RARB: variants seen among roughly 807,000 people sequenced by gnomAD.
RARB encodes retinoic acid receptor beta.
A neutral mutation model predicts 51.9 loss-of-function variants in RARB; 17 were observed. That is an observed-to-expected ratio of 0.33 (90% CI 0.22 to 0.49). The LOEUF is 0.49. Among genes scored for constraint, RARB ranks in the 20% least tolerant of loss-of-function variants. The pLI is 0.99. For synonymous variants in RARB, 215 were observed against 195.4 expected (o/e 1.10, Z -0.84); for missense variants, 369 against 550.8 (o/e 0.67, Z 3.30).
intron 5 of RARB, among the ~76,000 whole-genome samples, chr3:25,411,230 TGAA>T (rs968666031): frequency 1.3e-5 from 2 of 152,214 alleles, no homozygotes; most frequent in African/African-American, 2.4e-5. Flanking sequence ...GAAGATAAGA[TGAA>T]GAAGTCACAC....
At chr3:25,335,183 T>C (rs1473446006) in intron 5 of RARB, among the ~76,000 whole-genome samples, 1 of 152,116 alleles carries the variant, frequency 6.6e-6, no homozygotes, top group Non-Finnish European at 1.5e-5. Context: ...GAGGCTTAAG[T>C]GAGTGAATGG....
chr3:25,297,795 T>C (rs1160395682), intron 5 of RARB, among the ~76,000 whole-genome samples: 1 of 152,206 alleles, frequency 6.6e-6, no homozygotes, highest in Admixed American at 6.5e-5. Context: ...TTTATCTTTA[T>C]CCAGGAGGTT....
At chr3:25,049,789 T>C (rs757623352) in intron 2 of RARB, among the ~76,000 whole-genome samples, 16 of 152,362 alleles carry the variant, frequency 1.1e-4, no homozygotes, top group South Asian at 2.1e-4. Context: ...CCCTGCAAAT[T>C]TCATCAGCAT....
chr3:24,839,277 G>C (rs975130303), intron 1 of RARB, among the ~76,000 whole-genome samples: 1 of 152,092 alleles, frequency 6.6e-6, no homozygotes, highest in African/African-American at 2.4e-5. Flanking sequence ...CTGCAGTGCT[G>C]TTCTTGAGTG....
chr3:25,254,758 AAAATG>A (rs1702819892), intron 5 of RARB, among the ~76,000 whole-genome samples: 1 of 152,152 alleles, frequency 6.6e-6, no homozygotes, highest in Non-Finnish European at 1.5e-5. Flanking sequence ...GAGATAAAAG[AAAATG>A]AAATAGGATA....
chr3:25,025,566 T>C (rs975822572), intron 2 of RARB, among the ~76,000 whole-genome samples: 1 of 152,170 alleles, frequency 6.6e-6, no homozygotes, highest in African/African-American at 2.4e-5. Flanking sequence ...AGTAGTTATG[T>C]ACACAGATAA....
intron 2 of RARB, among the ~76,000 whole-genome samples, chr3:24,974,137 T>G (rs1489279450): frequency 6.6e-6 from 1 of 152,094 alleles, no homozygotes; most frequent in African/African-American, 2.4e-5. Flanking sequence ...CTATACCCAG[T>G]TTTTTATGGT....
At chr3:25,214,158 T>C (rs1055528871) in intron 5 of RARB, among the ~76,000 whole-genome samples, 2 of 152,144 alleles carry the variant, frequency 1.3e-5, no homozygotes, top group Non-Finnish European at 2.9e-5. Flanking sequence ...ATTTTGAAAG[T>C]TTGAAACTCA....
At chr3:25,007,605 C>CAAA (rs1279154112) in intron 2 of RARB, among the ~76,000 whole-genome samples, 4 of 60,640 alleles carry the variant, frequency 6.6e-5, no homozygotes, top group African/African-American at 1.7e-4. Flanking sequence ...AAAAAAAAAA[C>CAAA]AAAAAAACCT....
At chr3:25,424,314 A>C (rs1053120159), upstream of RARB, among the ~76,000 whole-genome samples, 1 of 152,208 alleles carries the variant, frequency 6.6e-6, no homozygotes, top group East Asian at 1.9e-4. Flanking sequence ...GCAGGTGTTC[A>C]TACTGAAGGG....
At chr3:25,342,810 T>C (rs116152479) in intron 5 of RARB, among the ~76,000 whole-genome samples, 4,825 of 152,226 alleles carry the variant, frequency 0.032, 180 homozygotes, top group African/African-American at 0.094. Flanking sequence ...GTAGCACAGC[T>C]TGGCCTGGGC....
intron 2 of RARB, among the ~76,000 whole-genome samples, chr3:24,965,918 G>A (rs1000580155): frequency 6.6e-6 from 1 of 152,134 alleles, no homozygotes; most frequent in Non-Finnish European, 1.5e-5. Context: ...AAACACTGAA[G>A]AAAAGTAACG....
intron 2 of RARB, among the ~76,000 whole-genome samples, chr3:24,869,452 A>G (rs1302671873): frequency 2.0e-5 from 3 of 152,272 alleles, no homozygotes; most frequent in East Asian, 3.9e-4. Context: ...TTCAATAATT[A>G]TAACAAGCTT....
chr3:25,128,926 G>A (rs186902672), intron 3 of RARB, among the ~76,000 whole-genome samples: 1 of 152,056 alleles, frequency 6.6e-6, no homozygotes, highest in Non-Finnish European at 1.5e-5. Context: ...TGGAAGCTAG[G>A]TTGGAAAAAA....
At chr3:24,907,008 T>C (rs1268876585) in intron 2 of RARB, among the ~76,000 whole-genome samples, 2 of 152,162 alleles carry the variant, frequency 1.3e-5, no homozygotes, top group Non-Finnish European at 2.9e-5. Context: ...CAAATGTAGA[T>C]ATCCAGTAGG....
At chr3:25,526,119 G>A (rs1698635556) in intron 3 of RARB, among the ~76,000 whole-genome samples, 1 of 152,218 alleles carries the variant, frequency 6.6e-6, no homozygotes, top group African/African-American at 2.4e-5. Flanking sequence ...CATGGAGGAG[G>A]TGTGAAGCCT....
At chr3:25,541,461 A>G (rs193249293) in intron 3 of RARB, among the ~76,000 whole-genome samples, 1 of 152,228 alleles carries the variant, frequency 6.6e-6, no homozygotes, top group East Asian at 1.9e-4. Context: ...AGTGCTTGCA[A>G]CAGTCCCTGG....
intron 5 of RARB, among the ~76,000 whole-genome samples, chr3:25,590,865 G>C (rs372713623): frequency 4.6e-5 from 7 of 152,344 alleles, no homozygotes; most frequent in African/African-American, 1.7e-4. Context: ...AGGAACATCA[G>C]GCTGGGGATT....
intron 2 of RARB, among the ~76,000 whole-genome samples, chr3:24,944,967 G>A (rs768654861): frequency 1.2e-4 from 18 of 152,142 alleles, no homozygotes; most frequent in Non-Finnish European, 2.4e-4. Context: ...TGCCCACAAA[G>A]CACAAAGCAA....
Sources: allele counts gnomAD v4.1 joint callset (sites outside exome capture counted in the v4.1 genomes callset), GRCh38; gene constraint gnomAD v4.1.1; transcripts MANE v1.5; gene names NCBI Gene and HGNC (gene_info 2026-07-23, HGNC 2026-07-21).